CALN1: variants seen among roughly 807,000 people sequenced by gnomAD.
CALN1 encodes calcium-binding protein 8.
Under a neutral mutation model 30.6 loss-of-function variants are expected in CALN1, and 17 were observed. The ratio of observed to expected loss-of-function variants is 0.56; its 90% confidence interval spans 0.38 to 0.83. CALN1 has a LOEUF of 0.83. Among genes scored for constraint, CALN1 ranks in the 40% least tolerant of loss-of-function variants. The pLI is 0.00. For synonymous variants in CALN1, 156 were observed against 131.4 expected, an observed-to-expected ratio of 1.19 and a Z score of -1.28; for missense variants, 291 against 354.9, an observed-to-expected ratio of 0.82 and a Z score of 1.45.
In CALN1 at chr7:72,106,192, T is replaced by A; in HGVS notation, c.347A>T (p.Glu116Val). Reference sequence around the variant, plus strand: ...CTGCATGATGATGGCCAGCTCCACCTCGCTTGGCATGTACCCCAAAGAGCG... The same window carrying A: ...CTGCATGATGATGGCCAGCTCCACCACGCTTGGCATGTACCCCAAAGAGCG... Reference protein sequence around the residue: ...AMRSLGYMPSEVELAIIMQRL... With the variant: ...AMRSLGYMPSVVELAIIMQRL... Residue 116 changes from glutamate (E) to valine (V), a missense_variant, in exon 4 of 7, where the codon GAG (glutamate) becomes GTG (valine). By Grantham distance (121) the Glu-to-Val change is moderately radical. Coordinates refer to ENST00000395275, the MANE Select transcript of CALN1 (RefSeq NM_031468.4). The A allele has an allele frequency of 6.2e-7, 1 of 1,614,038 alleles. No individual in the cohort carries two copies. Among genetic ancestry groups the A allele is most frequent in the Non-Finnish European group, 8.5e-7 (1 of 1,180,018 alleles).
At chr7:72,097,771 T>C (rs912348529) in intron 4 of CALN1, among the ~76,000 whole-genome samples, 19 of 152,058 alleles carry the variant, frequency 1.2e-4, no homozygotes, top group South Asian at 2.1e-4. Flanking sequence ...TGGAGTGCAA[T>C]GGCACAATCT....
intron 2 of CALN1, among the ~76,000 whole-genome samples, chr7:72,396,841 G>A (rs901352874): frequency 3.9e-5 from 6 of 152,166 alleles, no homozygotes; most frequent in South Asian, 2.1e-4. Flanking sequence ...TGAGGTTGAA[G>A]GTTAGAAGTA....
chr7:71,802,588 G>C (rs927937128), intron 6 of CALN1, among the ~76,000 whole-genome samples: 3 of 152,114 alleles, frequency 2.0e-5, no homozygotes, highest in African/African-American at 4.8e-5. Context: ...TCAGCCTCCC[G>C]AATAGCTGAG....
At chr7:72,316,955 TAAAC>T (rs1462274393) in intron 2 of CALN1, among the ~76,000 whole-genome samples, 3 of 42,226 alleles carry the variant, frequency 7.1e-5, no homozygotes, top group Admixed American at 2.4e-4. Context: ...AAAAGAAAAA[TAAAC>T]AAATAAACGA....
At chr7:72,010,420 C>T (rs1800005234) in intron 5 of CALN1, among the ~76,000 whole-genome samples, 1 of 152,182 alleles carries the variant, frequency 6.6e-6, no homozygotes, top group Non-Finnish European at 1.5e-5. Context: ...ACCACCTAGA[C>T]TCTTGCTAAT....
intron 3 of CALN1, among the ~76,000 whole-genome samples, chr7:72,238,806 A>C (rs925790827): frequency 6.6e-6 from 1 of 152,216 alleles, no homozygotes; most frequent in African/African-American, 2.4e-5. Flanking sequence ...CTGTAAGTCA[A>C]TTAAACCTCT....
chr7:72,088,856 C>A (rs1048946325), intron 4 of CALN1, among the ~76,000 whole-genome samples: 1 of 152,048 alleles, frequency 6.6e-6, no homozygotes, highest in South Asian at 2.1e-4. Context: ...TTAAGATATT[C>A]TCAGATCTGT....
intron 2 of CALN1, among the ~76,000 whole-genome samples, chr7:72,377,436 CGTGTGTGTGTGT>C (rs138060244): frequency 3.1e-4 from 44 of 142,432 alleles, no homozygotes; most frequent in Admixed American, 9.8e-4. Flanking sequence ...GCCACACTTT[CGTGTGTGTGTGT>C]GTGTGTGTGT....
intron 2 of CALN1, among the ~76,000 whole-genome samples, chr7:72,382,533 G>T (rs1317311839): frequency 1.3e-5 from 2 of 152,104 alleles, no homozygotes; most frequent in African/African-American, 4.8e-5. Context: ...GTAATGCTGA[G>T]GTTTGAGGTA....
intron 3 of CALN1, among the ~76,000 whole-genome samples, chr7:72,189,424 A>G (rs950034906): frequency 3.9e-5 from 6 of 152,222 alleles, no homozygotes; most frequent in African/African-American, 1.4e-4. Flanking sequence ...TTAGAATTAT[A>G]AAGCTTTAGT....
intron 4 of CALN1, among the ~76,000 whole-genome samples, chr7:72,076,611 C>CAAAAAAAAAAAAAA: frequency 0.022 from 136 of 6,126 alleles, 66 homozygotes; most frequent in Non-Finnish European, 0.034. Flanking sequence ...AAAAAAAAAG[C>CAAAAAAAAAAAAAA]AAAAAAAAAA....
chr7:72,348,144 C>A (rs1448916286), intron 2 of CALN1, among the ~76,000 whole-genome samples: 2 of 152,220 alleles, frequency 1.3e-5, no homozygotes, highest in East Asian at 3.9e-4. Flanking sequence ...AAACTAACGG[C>A]AAAAACCTCA....
chr7:71,894,849 T>C (rs1793450398), intron 5 of CALN1, among the ~76,000 whole-genome samples: 1 of 152,228 alleles, frequency 6.6e-6, no homozygotes, highest in African/African-American at 2.4e-5. Context: ...TATTCCTGTG[T>C]GCTTTATATT....
In CALN1 at chr7:72,323,668, A is replaced by T. The variant is rs538345127; in HGVS notation, c.120-44858T>A. Among the ~76,000 whole-genome samples, 70 of 150,960 alleles carry T rather than the reference A, an allele frequency of 4.6e-4. 1 individual carries two copies. The highest frequency in any genetic ancestry group is 9.5e-4 in the African/African-American group (39 of 41,076). On this transcript the variant is annotated intron_variant, in intron 2 of 6. Coordinates refer to ENST00000395275, the MANE Select transcript of CALN1 (RefSeq NM_031468.4). ...CAGAGCGAGACTCCATCTCAAAAAAAAAAAAATAAAAAATAAAGAGAACAA... is the reference window on the plus strand; with the variant it reads ...CAGAGCGAGACTCCATCTCAAAAAATAAAAAATAAAAAATAAAGAGAACAA...
intron 2 of CALN1, among the ~76,000 whole-genome samples, chr7:72,379,270 G>C (rs1018680872): frequency 1.3e-5 from 2 of 152,046 alleles, no homozygotes; most frequent in Non-Finnish European, 2.9e-5. Flanking sequence ...GCTGGGATTA[G>C]AGGTGTGAAG....
intron 5 of CALN1, among the ~76,000 whole-genome samples, chr7:71,959,622 CTTTTT>C (rs11289767): frequency 6.9e-6 from 1 of 144,382 alleles, no homozygotes; most frequent in East Asian, 2.0e-4. Context: ...ACCTTTCCAG[CTTTTT>C]TTTTTTTTTA....
At chr7:72,486,145 G>T in the CALN1 span, among the ~76,000 whole-genome samples, 1 of 152,032 alleles carries the variant, frequency 6.6e-6, no homozygotes, top group Non-Finnish European at 1.5e-5. Flanking sequence ...AATACTGCTG[G>T]CAACGGTAAA....
the CALN1 span, among the ~76,000 whole-genome samples, chr7:72,474,562 G>A: frequency 6.6e-6 from 1 of 152,034 alleles, no homozygotes; most frequent in Admixed American, 6.6e-5. Flanking sequence ...GGCAATCCCT[G>A]TGGTCCCAGC....
chr7:71,939,247 G>C (rs1210061968), intron 5 of CALN1, among the ~76,000 whole-genome samples: 3 of 151,984 alleles, frequency 2.0e-5, no homozygotes, highest in African/African-American at 4.8e-5. Context: ...AGTGACCACA[G>C]TCTCAATACA....
Sources: allele counts gnomAD v4.1 joint callset (sites outside exome capture counted in the v4.1 genomes callset), GRCh38; gene constraint gnomAD v4.1.1; transcripts MANE v1.5; gene names NCBI Gene and HGNC (gene_info 2026-07-23, HGNC 2026-07-21).